NCKAP5: variants seen among roughly 807,000 people sequenced by gnomAD.
The protein encoded by NCKAP5 is NCK associated protein 5, also known as nck-associated protein 5.
In NCKAP5, 92 loss-of-function variants were observed where a neutral mutation model predicts 167.0. That is an observed-to-expected ratio of 0.55 (90% CI 0.47 to 0.66). The LOEUF is 0.66. NCKAP5 is among the 30% of genes least tolerant of loss of function. The pLI, the probability that NCKAP5 is intolerant of heterozygous loss-of-function variation, is 0.00. For missense variants in NCKAP5, 2,378 were observed against 2,315.0 expected, an observed-to-expected ratio of 1.03 and a Z score of -0.56; for synonymous variants, 891 against 877.4, an observed-to-expected ratio of 1.02 and a Z score of -0.27.
At chr2:133,526,448 C>T (rs563267419) in intron 2 of NCKAP5, among the ~76,000 whole-genome samples, 9 of 152,074 alleles carry the variant, frequency 5.9e-5, no homozygotes, top group Non-Finnish European at 8.8e-5. Flanking sequence ...AACAAATGAA[C>T]GAGCACATGA....
chr2:133,037,786 G>A (rs926023553), intron 6 of NCKAP5, among the ~76,000 whole-genome samples: 10 of 152,026 alleles, frequency 6.6e-5, no homozygotes, highest in Non-Finnish European at 1.2e-4. Context: ...AGCAAAAATG[G>A]ACAAATGGGA....
the NCKAP5 span, among the ~76,000 whole-genome samples, chr2:133,592,473 G>T: frequency 1.3e-5 from 2 of 152,098 alleles, no homozygotes; most frequent in Non-Finnish European, 2.9e-5. Context: ...ACCATGAATT[G>T]CTAGCAAGGA....
intron 6 of NCKAP5, among the ~76,000 whole-genome samples, chr2:133,116,483 G>T: frequency 4.0e-5 from 2 of 49,788 alleles, no homozygotes; most frequent in South Asian, 7.8e-4. Context: ...GCGAGACTCC[G>T]TCTCAAAAAA....
chr2:132,880,921 T>G lies in NCKAP5; in HGVS notation c.580-2005A>C, dbSNP rs955535371. 1.3e-5 allele frequency among the ~76,000 whole-genome samples: 2 copies of G among 152,188 alleles called. 1 individual carries two copies. Among genetic ancestry groups the G allele is most frequent in the South Asian group, 4.1e-4 (2 of 4,824 alleles). On this transcript the variant is annotated intron_variant, in intron 8 of 19. Transcript: ENST00000409261. Reference sequence around the variant, plus strand: ...CATGATGCATTTTATTCCTAAATACTTCCACATGTGTTTCCTCATAACAAA... The same window carrying G: ...CATGATGCATTTTATTCCTAAATACGTCCACATGTGTTTCCTCATAACAAA...
intron 16 of NCKAP5, among the ~76,000 whole-genome samples, chr2:132,756,280 C>T (rs34747125): frequency 0.12 from 18,079 of 152,106 alleles, 1,275 homozygotes; most frequent in East Asian, 0.3. Flanking sequence ...AACATTGTCT[C>T]CCCACAGAGC....
chr2:132,809,867 G>T (rs1484239379), intron 11 of NCKAP5, among the ~76,000 whole-genome samples: 1 of 152,066 alleles, frequency 6.6e-6, no homozygotes, highest in Non-Finnish European at 1.5e-5. Context: ...TTGTATTTTT[G>T]TGTTATAGGT....
At chr2:133,099,571 T>C (rs2081439467) in intron 6 of NCKAP5, among the ~76,000 whole-genome samples, 1 of 152,214 alleles carries the variant, frequency 6.6e-6, no homozygotes, top group Admixed American at 6.5e-5. Flanking sequence ...TTGCCCCATG[T>C]AGCTTCTAAA....
At chr2:133,512,091 A>G (rs532121107) in intron 3 of NCKAP5, among the ~76,000 whole-genome samples, 1 of 152,264 alleles carries the variant, frequency 6.6e-6, no homozygotes, top group South Asian at 2.1e-4. Flanking sequence ...CAGAATAAAG[A>G]CTTTTGTTTT....
intron 8 of NCKAP5, 29 bp from the exon 9 acceptor site, chr2:132,878,945 T>C: frequency 6.4e-7 from 1 of 1,558,668 alleles, no homozygotes; most frequent in Non-Finnish European, 8.9e-7. Context: ...ATAACACAAA[T>C]AAATCAATGA....
intron 3 of NCKAP5, among the ~76,000 whole-genome samples, chr2:133,417,869 A>G (rs1490857284): frequency 6.6e-6 from 1 of 152,244 alleles, no homozygotes; most frequent in African/African-American, 2.4e-5. Context: ...AAGGCGTAGG[A>G]GAAAATGAAT....
intron 3 of NCKAP5, among the ~76,000 whole-genome samples, chr2:133,388,533 A>G (rs1211975696): frequency 2.6e-5 from 4 of 152,182 alleles, no homozygotes; most frequent in Non-Finnish European, 4.4e-5. Flanking sequence ...CTCAACCTCC[A>G]TGCTGGGAGA....
Position 132,783,592 on chromosome 2 carries a change from A to G in NCKAP5, c.3219T>C (p.His1073=), listed in dbSNP as rs1377256528. The change falls in exon 14 of 20, where the codon CAT becomes CAC. Residue 1073 remains histidine, a synonymous_variant. Coordinates refer to ENST00000409261, the MANE Select transcript of NCKAP5 (RefSeq NM_207363.3). ...LQTPRISPST[H]EPLEMTSSKS... ...TGGAGGACGTCATTTCCAGTGGCTC[A>G]TGGGTTGAAGGAGAGATCCTGGGAG... is the stretch of plus-strand genomic sequence containing the variant. 1 of 1,613,900 alleles carries G rather than the reference A, an allele frequency of 6.2e-7. No individual in the cohort carries two copies. Among genetic ancestry groups the G allele is most frequent in the Non-Finnish European group, 8.5e-7 (1 of 1,179,882 alleles).
the NCKAP5 span, among the ~76,000 whole-genome samples, chr2:133,616,234 T>A: frequency 2.1e-5 from 3 of 144,344 alleles, no homozygotes; most frequent in Non-Finnish European, 4.6e-5. Context: ...ACATCACAAT[T>A]AAAAGAACTA....
intron 18 of NCKAP5, 66 bp from the exon 19 acceptor site, chr2:132,725,825 G>C: frequency 6.0e-6 from 9 of 1,508,196 alleles, no homozygotes; most frequent in Middle Eastern, 1.7e-4. Context: ...AGCATCCTGT[G>C]AGGATGCGAC....
At chr2:132,696,920 C>T (rs1687373612) in intron 19 of NCKAP5, among the ~76,000 whole-genome samples, 1 of 152,156 alleles carries the variant, frequency 6.6e-6, no homozygotes, top group Non-Finnish European at 1.5e-5. Flanking sequence ...CATGGTCTCA[C>T]TCTGTCACCC....
At position 133,184,153 on chromosome 2, in the gene NCKAP5, T is replaced by C. The variant is rs1016397641; in HGVS notation, c.207+29563A>G. On this transcript the variant is annotated intron_variant, in intron 5 of 19. Coordinates refer to ENST00000409261, the MANE Select transcript of NCKAP5 (RefSeq NM_207363.3). ...TCTAGTAGTCCCCAGTGTCTATTGT[T>C]CTCATCTTTACATCCATCTGTACTC... Among the ~76,000 whole-genome samples the C allele has an allele frequency of 6.8e-4, 104 of 152,052 alleles. 1 individual carries two copies. The highest frequency in any genetic ancestry group is 1.8e-4 in the Non-Finnish European group (12 of 67,992).
intron 3 of NCKAP5, among the ~76,000 whole-genome samples, chr2:133,390,507 G>A (rs753981203): frequency 2.0e-5 from 3 of 152,096 alleles, no homozygotes; most frequent in Non-Finnish European, 2.9e-5. Flanking sequence ...TCTTTGCCTG[G>A]TTTCTTACAG....
chr2:132,907,085 A>G (rs1380458142), intron 8 of NCKAP5, among the ~76,000 whole-genome samples: 1 of 152,224 alleles, frequency 6.6e-6, no homozygotes, highest in Non-Finnish European at 1.5e-5. Context: ...GCAGAAACAT[A>G]GGGAATTTAG....
At chr2:133,187,358 A>G (rs2084992540) in intron 5 of NCKAP5, among the ~76,000 whole-genome samples, 1 of 151,988 alleles carries the variant, frequency 6.6e-6, no homozygotes, top group South Asian at 2.1e-4. Context: ...TGATACTTGG[A>G]AAGCACAATG....
Sources: allele counts gnomAD v4.1 joint callset (sites outside exome capture counted in the v4.1 genomes callset), GRCh38; gene constraint gnomAD v4.1.1; transcripts MANE v1.5; gene names NCBI Gene and HGNC (gene_info 2026-07-23, HGNC 2026-07-21).